Variants in ARHGEF38 observed in about 807,000 individuals in gnomAD.
The protein encoded by ARHGEF38 is Rho guanine nucleotide exchange factor (GEF) 38.
ARHGEF38 carries 79 observed loss-of-function variants against 79.9 expected under a neutral mutation model. That is an observed-to-expected ratio of 0.99 (90% CI 0.82 to 1.19). ARHGEF38 has a LOEUF of 1.19. Among genes scored for constraint, ARHGEF38 ranks in the 50% most tolerant of loss-of-function variants. The pLI is 0.00. For synonymous variants in ARHGEF38, 366 were observed against 328.3 expected, an observed-to-expected ratio of 1.11 and a Z score of -1.24; for missense variants, 962 against 907.2, an observed-to-expected ratio of 1.06 and a Z score of -0.78.
chr4:105,631,111 G>T, intron 4 of ARHGEF38, 66 bp downstream of exon 4: 1 of 1,520,654 alleles, frequency 6.6e-7, no homozygotes, highest in Non-Finnish European at 8.8e-7. Flanking sequence ...ATTTTAAATG[G>T]ATGTAGATGA....
At chr4:105,667,772 A>G (rs1730808020) in intron 13 of ARHGEF38, 69 bp downstream of exon 13, 1 of 1,494,318 alleles carries the variant, frequency 6.7e-7, no homozygotes. Context: ...TGTACTCTAT[A>G]ATACTGTAAC....
intron 3 of ARHGEF38, among the ~76,000 whole-genome samples, chr4:105,619,751 C>T (rs996424798): frequency 3.3e-5 from 5 of 152,132 alleles, no homozygotes; most frequent in African/African-American, 1.2e-4. Context: ...GAGCATAGTG[C>T]CGAGAAGGCC....
intron 2 of ARHGEF38, among the ~76,000 whole-genome samples, chr4:105,591,965 A>G (rs1194441949): frequency 6.6e-6 from 1 of 152,240 alleles, no homozygotes. Flanking sequence ...TATTTGATAT[A>G]ACTGCTATTC....
At chr4:105,560,456 T>C (rs576274773) in intron 1 of ARHGEF38, among the ~76,000 whole-genome samples, 6 of 152,274 alleles carry the variant, frequency 3.9e-5, no homozygotes, top group African/African-American at 1.4e-4. Flanking sequence ...GAGGAGGGAA[T>C]ACATTTGCAA....
In ARHGEF38 at chr4:105,593,625, T is replaced by C. The variant is rs192573127; in HGVS notation, c.384+4190T>C. On this transcript the variant is annotated intron_variant, in intron 2 of 13. Coordinates refer to ENST00000420470, the MANE Select transcript of ARHGEF38 (RefSeq NM_001242729.2). ...ATTCTTAGTCCACATTTGTATCAAA[T>C]GGACTAAGTTTACCTTATATGAAAA... 7.3e-4 allele frequency among the ~76,000 whole-genome samples: 111 copies of C among 152,334 alleles called. 1 individual carries two copies. In the East Asian group the frequency reaches 0.014, roughly 20 times the overall value.
At chr4:105,649,437 C>T (rs1357091309) in intron 7 of ARHGEF38, among the ~76,000 whole-genome samples, 1 of 152,130 alleles carries the variant, frequency 6.6e-6, no homozygotes, top group Non-Finnish European at 1.5e-5. Context: ...TATTTTGAAG[C>T]CAATGATTTT....
intron 1 of ARHGEF38, among the ~76,000 whole-genome samples, chr4:105,561,405 GAATAGAATAGAATAGAATGGAA>G (rs1725531933): frequency 1.4e-4 from 4 of 29,594 alleles, no homozygotes; most frequent in Non-Finnish European, 2.2e-4. Flanking sequence ...TAGAATAATA[GAATAGAATAGAATAGAATGGAA>G]TAGAATAGAA....
intron 2 of ARHGEF38, among the ~76,000 whole-genome samples, chr4:105,601,671 C>A (rs1013031407): frequency 1.3e-5 from 2 of 152,056 alleles, no homozygotes; most frequent in Admixed American, 6.6e-5. Context: ...ATTCCTGGCA[C>A]TTCTAACCTT....
intron 1 of ARHGEF38, among the ~76,000 whole-genome samples, chr4:105,586,331 A>T (rs1003099005): frequency 6.6e-6 from 1 of 152,004 alleles, no homozygotes; most frequent in Non-Finnish European, 1.5e-5. Flanking sequence ...GAGCAAACAA[A>T]GATATCTCAT....
intron 1 of ARHGEF38, chr4:105,561,509 A>AGAATGGAATG (rs1725614159): frequency 8.1e-6 from 1 of 123,336 alleles, no homozygotes; most frequent in African/African-American, 3.0e-5. Flanking sequence ...AGAATAGAAT[A>AGAATGGAATG]GAATAGAATA....
At chr4:105,584,327 T>C (rs1726930240) in intron 1 of ARHGEF38, among the ~76,000 whole-genome samples, 1 of 152,228 alleles carries the variant, frequency 6.6e-6, no homozygotes, top group African/African-American at 2.4e-5. Flanking sequence ...GTAAAAATAA[T>C]ATTACAATTA....
At chr4:105,583,983 T>TATC (rs1726917385) in intron 1 of ARHGEF38, among the ~76,000 whole-genome samples, 1 of 152,180 alleles carries the variant, frequency 6.6e-6, no homozygotes, top group South Asian at 2.1e-4. Context: ...ATATGTTTCC[T>TATC]GAGTATGTTC....
rs796653791 is a variant in ARHGEF38, at chr4:105,667,442, A to G, written c.1889-2A>G. ...TCTTCTTTCTTTTTATTTCCTATCC[A>G]GATGTGAAAGGATATGTTTATTCCT... On this transcript the variant is annotated splice_acceptor_variant, in intron 12 of 13. Transcript: ENST00000420470. LOFTEE classifies it high-confidence loss of function. 6.5e-7 allele frequency: 1 copy of G among 1,536,030 alleles called. No homozygotes were observed. The highest frequency in any genetic ancestry group is 8.7e-7 in the Non-Finnish European group (1 of 1,146,866).
At chr4:105,647,510 G>GA (rs933662560) in intron 6 of ARHGEF38, among the ~76,000 whole-genome samples, 18 of 151,536 alleles carry the variant, frequency 1.2e-4, no homozygotes, top group African/African-American at 4.1e-4. Context: ...CTTGCTGTTA[G>GA]AAAAAAAATA....
At chr4:105,561,400 T>TAGAATAGAATAGAATGGAATAGAATAG (rs59437354) in intron 1 of ARHGEF38, among the ~76,000 whole-genome samples, 16 of 30,060 alleles carry the variant, frequency 5.3e-4, no homozygotes, top group Non-Finnish European at 7.5e-4. Flanking sequence ...TAGAGTAGAA[T>TAGAATAGAATAGAATGGAATAGAATAG]AATAGAATAG....
chr4:105,663,555 C>A (rs1279183367), intron 10 of ARHGEF38, among the ~76,000 whole-genome samples: 1 of 152,188 alleles, frequency 6.6e-6, no homozygotes, highest in African/African-American at 2.4e-5. Flanking sequence ...TGGAATCATA[C>A]AGTGTTTGTC....
At chr4:105,618,707 T>C (rs1016723846) in intron 3 of ARHGEF38, among the ~76,000 whole-genome samples, 4 of 152,214 alleles carry the variant, frequency 2.6e-5, no homozygotes, top group African/African-American at 9.6e-5. Context: ...ATCTACTGGT[T>C]GATGCTATGT....
Position 105,659,045 on chromosome 4 carries a change from T to G in ARHGEF38, c.1234-9T>G. On this transcript the variant is annotated splice_polypyrimidine_tract_variant and intron_variant, in intron 9 of 13. Coordinates refer to ENST00000420470, the MANE Select transcript of ARHGEF38 (RefSeq NM_001242729.2). ...CTCTCTGAAATGGGCTCATTTTTTC[T>G]TTTGGCAGGCATCTCACTTACAGAG... 6.6e-7 allele frequency: 1 copy of G among 1,525,214 alleles called. No homozygotes were observed. The highest frequency in any genetic ancestry group is 8.8e-7 in the Non-Finnish European group (1 of 1,141,006). The allele number at this position is 1,525,214 out of a possible 1,614,324, so 94.5% of individuals were successfully genotyped here. A position where few individuals can be genotyped will look rare whatever the true frequency, so the allele number is the denominator to read the frequency against.
At chr4:105,654,307 A>C in intron 8 of ARHGEF38, 138 bp downstream of exon 8, 1 of 515,222 alleles carries the variant, frequency 1.9e-6, no homozygotes, top group Non-Finnish European at 3.3e-6. Context: ...GGAAGGCTGC[A>C]AACTGCTGGT....
Sources: allele counts gnomAD v4.1 joint callset (sites outside exome capture counted in the v4.1 genomes callset), GRCh38; gene constraint gnomAD v4.1.1; transcripts MANE v1.5; gene names NCBI Gene and HGNC (gene_info 2026-07-23, HGNC 2026-07-21).